The following ADCY10 variants were observed in gnomAD, a reference collection of about 807,000 sequenced individuals.
ADCY10 encodes adenylate cyclase 10.
ADCY10 carries 156 observed loss-of-function variants against 183.3 expected under a neutral mutation model. That is an observed-to-expected ratio of 0.85 (90% CI 0.75 to 0.97). ADCY10 has a LOEUF of 0.97. Among genes scored for constraint, ADCY10 ranks in the 50% least tolerant of loss-of-function variants. The probability of loss-of-function intolerance (pLI) is 0.00; values close to 1 mark genes in which losing one functional copy is unlikely to be tolerated. For synonymous variants in ADCY10, 645 were observed against 670.0 expected (o/e 0.96, Z 0.58); for missense variants, 1,745 against 1,934.3 (o/e 0.90, Z 1.84).
chr1:167,835,763 G>A (rs548512081), intron 23 of ADCY10, among the ~76,000 whole-genome samples: 3 of 152,268 alleles, frequency 2.0e-5, no homozygotes, highest in African/African-American at 4.8e-5. Flanking sequence ...GGTGGCATAC[G>A]TCTGCAGTCC....
Position 167,840,090 on chromosome 1 carries a change from C to T in ADCY10, c.3008-2772G>A, listed in dbSNP as rs539942359. Among the ~76,000 whole-genome samples, 4 of 150,990 alleles carry T rather than the reference C, an allele frequency of 2.6e-5. No homozygotes were observed. In the East Asian group the frequency reaches 7.8e-4, roughly 30 times the overall value. ...AAAGAAAAGAAAAAAAAATTAGCAG[C>T]ACATGGTGGCATGTGCCTGTAGTCC... On this transcript the variant is annotated intron_variant, in intron 21 of 32. Transcript: ENST00000367851.
chr1:167,901,576 C>G (rs1669424153), intron 5 of ADCY10, 86 bp downstream of exon 5: 1 of 1,361,798 alleles, frequency 7.3e-7, no homozygotes, highest in Non-Finnish European at 1.0e-6. Context: ...CCATGTTCTA[C>G]TACTTCTCTT....
chr1:167,889,133 G>A (rs1169509331), intron 8 of ADCY10, among the ~76,000 whole-genome samples: 2 of 152,128 alleles, frequency 1.3e-5, no homozygotes, highest in African/African-American at 4.8e-5. Context: ...CAGTGGTAAA[G>A]TGGGCATCCT....
Position 167,904,687 on chromosome 1 carries a change from A to T in ADCY10, c.148+306T>A, listed in dbSNP as rs923049052. On this transcript the variant is annotated intron_variant, in intron 2 of 32. Transcript: ENST00000367851. ...TTTCCTGAGGTCAATTTTGACTGGGATGTGTATGGGGCTTGGGGCTGGAGA... is the reference window on the plus strand; with the variant it reads ...TTTCCTGAGGTCAATTTTGACTGGGTTGTGTATGGGGCTTGGGGCTGGAGA... 1.7e-5 allele frequency: 10 copies of T among 593,018 alleles called. No individual in the cohort carries two copies. The East Asian group carries it at 2.5e-4, about 15-fold the overall frequency. 36.7% of individuals were successfully genotyped at this position (593,018 alleles called of 1,614,324 possible). A position where few individuals can be genotyped will look rare whatever the true frequency, so the allele number is the denominator to read the frequency against.
rs562340382 is a variant in ADCY10 at position 167,911,640 on chromosome 1, G to A, written c.-59+2336C>T. ...AACGTGTCAGGTTATAAATGACCCC[G>A]TCTCCTTTGTTCAGTGTACTCTCGT... On this transcript the variant is annotated intron_variant, in intron 1 of 32. Coordinates refer to ENST00000367851, the MANE Select transcript of ADCY10 (RefSeq NM_018417.6). Among the ~76,000 whole-genome samples the A allele has an allele frequency of 7.9e-5, 12 of 152,290 alleles. No individual in the cohort carries two copies. In the South Asian group the frequency reaches 1.7e-3, roughly 21 times the overall value.
At chr1:167,815,977 G>C (rs959135929) in intron 31 of ADCY10, among the ~76,000 whole-genome samples, 1 of 151,756 alleles carries the variant, frequency 6.6e-6, no homozygotes, top group Admixed American at 6.6e-5. Context: ...CAAGCTAAGA[G>C]AGCAAAGACT....
At chr1:167,853,650 C>T (rs1665660018) in intron 18 of ADCY10, among the ~76,000 whole-genome samples, 1 of 152,058 alleles carries the variant, frequency 6.6e-6, no homozygotes, top group Admixed American at 6.6e-5. Flanking sequence ...TTCATGCCAT[C>T]ACTTCAGATT....
Position 167,824,552 on chromosome 1 carries a change from A to T in ADCY10, c.3976T>A (p.Trp1326Arg), listed in dbSNP as rs762243493. Residue 1326 changes from tryptophan to arginine, a missense_variant, in exon 28 of 33, where the codon TGG becomes AGG. By Grantham distance (101) the Trp-to-Arg change is moderately radical. Coordinates refer to ENST00000367851, the MANE Select transcript of ADCY10 (RefSeq NM_018417.6). ...CGGTTGGGATTCTGGAGCAGTGCCC[A>T]CATCTGAAGGGCTCGGGAGCCTGGG... ...IELGSRALQM[W>R]ALLQNPNRHY... 6.2e-7 allele frequency: 1 copy of T among 1,614,174 alleles called. No individual in the cohort carries two copies. The highest frequency in any genetic ancestry group is 8.5e-7 in the Non-Finnish European group (1 of 1,180,022).
At chr1:167,825,799 A>G (rs143934008) in intron 26 of ADCY10, among the ~76,000 whole-genome samples, 1 of 152,290 alleles carries the variant, frequency 6.6e-6, no homozygotes, top group Admixed American at 6.5e-5. Flanking sequence ...AAAACGAACA[A>G]ACAAATAAAT....
At chr1:167,912,686 T>A (rs1467132299) in intron 1 of ADCY10, among the ~76,000 whole-genome samples, 8 of 152,214 alleles carry the variant, frequency 5.3e-5, no homozygotes, top group African/African-American at 1.7e-4. Context: ...TCCTCTTCCT[T>A]CTTGCCTATT....
intron 5 of ADCY10, 41 bp from the exon 6 acceptor site, chr1:167,899,669 G>T: frequency 1.3e-6 from 2 of 1,593,008 alleles, no homozygotes; most frequent in Non-Finnish European, 1.7e-6. Context: ...AAGAAGTTCT[G>T]GATTATTTCC....
At chr1:167,904,872 C>G (rs1470414493) in intron 2 of ADCY10, 121 bp downstream of exon 2, 1 of 1,311,016 alleles carries the variant, frequency 7.6e-7, no homozygotes, top group Admixed American at 1.7e-5. Context: ...TGGAGCACAT[C>G]TGCTGTGACA....
chr1:167,875,259 T>C, intron 12 of ADCY10, 73 bp from the exon 13 acceptor site: 1 of 1,482,496 alleles, frequency 6.7e-7, no homozygotes, highest in South Asian at 1.1e-5. Flanking sequence ...TGATTAGTTC[T>C]TAGTTCCCAG....
At chr1:167,844,005 A>G (rs999335655) in intron 21 of ADCY10, among the ~76,000 whole-genome samples, 2 of 152,140 alleles carry the variant, frequency 1.3e-5, no homozygotes, top group African/African-American at 4.8e-5. Flanking sequence ...GTAATTCTGT[A>G]TATCCACTGC....
rs918203244 is a variant in ADCY10, at chr1:167,820,230, C to T, written c.4286+1794G>A. The T allele has an allele frequency of 9.7e-6, 15 of 1,542,470 alleles. No individual in the cohort carries two copies. In the East Asian group the frequency reaches 2.7e-4, roughly 28 times the overall value. On this transcript the variant is annotated intron_variant, in intron 30 of 32. Transcript: ENST00000367851. ...ACGGCTTCTCCTCGTTCCACAGGGCCCACTGGGTCCTGGTCCATCGTCGTC... is the reference window on the plus strand; with the variant it reads ...ACGGCTTCTCCTCGTTCCACAGGGCTCACTGGGTCCTGGTCCATCGTCGTC...
At chr1:167,831,631 T>A (rs1663744106) in intron 25 of ADCY10, among the ~76,000 whole-genome samples, 1 of 152,220 alleles carries the variant, frequency 6.6e-6, no homozygotes, top group Non-Finnish European at 1.5e-5. Context: ...CTCAGTTTTT[T>A]CTTCTTCAAC....
rs139462541 is a variant in ADCY10, at chr1:167,896,791, C to T, written c.643-100G>A. On this transcript the variant is annotated intron_variant, in intron 6 of 32. Transcript: ENST00000367851. ...GAAAGAGAGTATGCTTTTGACTGAA[C>T]AGTGATTGGCACACTTAAACACCAA... 4.6e-4 allele frequency: 373 copies of T among 810,850 alleles called. 2 individuals are homozygous for T. The African/African-American group carries it at 5.9e-3, about 13-fold the overall frequency. 50.2% of individuals were successfully genotyped at this position (810,850 alleles called of 1,614,324 possible). A position where few individuals can be genotyped will look rare whatever the true frequency, so the allele number is the denominator to read the frequency against.
chr1:167,832,843 G>A (rs1198768676), intron 25 of ADCY10, 144 bp downstream of exon 25: 4 of 810,038 alleles, frequency 4.9e-6, no homozygotes, highest in South Asian at 1.6e-5. Context: ...TCCCACACTC[G>A]CCCCCTCCCC....
chr1:167,816,212 C>A (rs1322654989), intron 31 of ADCY10, among the ~76,000 whole-genome samples: 1 of 152,070 alleles, frequency 6.6e-6, no homozygotes, highest in African/African-American at 2.4e-5. Context: ...AAAACCCCAA[C>A]ACATAGGCAT....
Sources: gnomAD v4.1 joint callset for allele counts (sites outside exome capture counted in the v4.1 genomes callset) on GRCh38, gnomAD v4.1.1 for gene constraint, MANE v1.5 for transcripts, NCBI Gene and HGNC (gene_info 2026-07-23, HGNC 2026-07-21) for gene names.